The following FGGY variants were observed in gnomAD, a reference collection of about 807,000 sequenced individuals.
FGGY encodes FGGY carbohydrate kinase domain-containing protein.
A neutral mutation model predicts 71.3 loss-of-function variants in FGGY; 72 were observed. That is an observed-to-expected ratio of 1.01 (90% CI 0.84 to 1.23). The LOEUF is 1.23. FGGY is among the 50% of genes most tolerant of loss of function. The probability of loss-of-function intolerance (pLI) is 0.00; values close to 1 mark genes in which losing one functional copy is unlikely to be tolerated. For missense variants in FGGY, 668 were observed against 682.3 expected (o/e 0.98, Z 0.23); for synonymous variants, 251 against 250.3 (o/e 1.00, Z -0.02).
chr1:59,609,124 G>A (rs1359662248), intron 9 of FGGY, among the ~76,000 whole-genome samples: 2 of 152,182 alleles, frequency 1.3e-5, no homozygotes, highest in African/African-American at 4.8e-5. Context: ...TACTTGGTAG[G>A]AAACTTGTAT....
intron 5 of FGGY, among the ~76,000 whole-genome samples, chr1:59,392,661 T>C (rs1359980693): frequency 1.3e-5 from 2 of 152,196 alleles, no homozygotes; most frequent in East Asian, 3.8e-4. Context: ...GTTAAAATGC[T>C]GTACCCTTTC....
intron 14 of FGGY, among the ~76,000 whole-genome samples, chr1:59,732,201 T>C (rs1159494487): frequency 1.3e-5 from 2 of 152,176 alleles, no homozygotes; most frequent in African/African-American, 4.8e-5. Flanking sequence ...GCTGTCCCAT[T>C]TGACCAGAGA....
intron 8 of FGGY, among the ~76,000 whole-genome samples, chr1:59,590,740 G>A (rs1364841966): frequency 3.3e-5 from 5 of 152,034 alleles, no homozygotes; most frequent in Admixed American, 6.6e-5. Context: ...ATTCAACAAC[G>A]CCTTATGCTA....
intron 14 of FGGY, among the ~76,000 whole-genome samples, chr1:59,695,646 T>TAGTA (rs2097651043): frequency 1.3e-5 from 2 of 152,180 alleles, no homozygotes; most frequent in Admixed American, 1.3e-4. Context: ...ATAAGTGGTT[T>TAGTA]CCCAACCCTG....
In FGGY at chr1:59,584,658, A is replaced by C. The variant is rs563109536; in HGVS notation, c.904-23145A>C. Reference sequence around the variant, plus strand: ...CACTGCTATTCAACGTAGTGTTGGAAGTTCTGGCCAGGGCAATCAGGCAGG... The same window carrying C: ...CACTGCTATTCAACGTAGTGTTGGACGTTCTGGCCAGGGCAATCAGGCAGG... On this transcript the variant is annotated intron_variant, in intron 8 of 15. Coordinates refer to ENST00000303721, the MANE Select transcript of FGGY (RefSeq NM_018291.5). Among the ~76,000 whole-genome samples, 23 of 150,086 alleles carry C rather than the reference A, an allele frequency of 1.5e-4. 3 individuals carry two copies. The highest frequency in any genetic ancestry group is 5.8e-4 in the African/African-American group (23 of 39,780).
At chr1:59,529,468 A>T (rs1242428728) in intron 7 of FGGY, among the ~76,000 whole-genome samples, 1 of 152,216 alleles carries the variant, frequency 6.6e-6, no homozygotes, top group Admixed American at 6.5e-5. Context: ...GAATAGGTGT[A>T]TTCTCCACTG....
chr1:59,761,440 TGAG>T (rs996341009), intron 15 of FGGY, among the ~76,000 whole-genome samples: 2 of 152,228 alleles, frequency 1.3e-5, no homozygotes, highest in African/African-American at 4.8e-5. Context: ...AATTTCATCA[TGAG>T]GACTCCTTTT....
At chr1:59,470,268 A>T (rs1051346594) in intron 6 of FGGY, among the ~76,000 whole-genome samples, 1 of 152,178 alleles carries the variant, frequency 6.6e-6, no homozygotes, top group African/African-American at 2.4e-5. Context: ...CCTCACCAGC[A>T]TCTGTTATTT....
At chr1:59,574,081 C>T (rs1340912895) in intron 8 of FGGY, among the ~76,000 whole-genome samples, 1 of 152,202 alleles carries the variant, frequency 6.6e-6, no homozygotes, top group Non-Finnish European at 1.5e-5. Flanking sequence ...AGCAAGTTGC[C>T]ATACACTTGG....
At chr1:59,321,820 G>A in intron 2 of FGGY, 70 bp downstream of exon 2, 1 of 1,482,018 alleles carries the variant, frequency 6.7e-7, no homozygotes, top group Non-Finnish European at 9.2e-7. Context: ...TCAATCTGGT[G>A]CCGTAAACAA....
At chr1:59,617,231 G>A (rs2096764760) in intron 9 of FGGY, among the ~76,000 whole-genome samples, 1 of 150,602 alleles carries the variant, frequency 6.6e-6, no homozygotes, top group Non-Finnish European at 1.5e-5. Flanking sequence ...TGAGAAAACA[G>A]AGAAAAAGGA....
intron 1 of FGGY, among the ~76,000 whole-genome samples, chr1:59,308,093 G>A (rs1279906712): frequency 6.6e-6 from 1 of 152,154 alleles, no homozygotes; most frequent in Non-Finnish European, 1.5e-5. Context: ...AGAAACATGG[G>A]TGACTGAAGA....
At chr1:59,343,334 G>A (rs1206576599) in intron 3 of FGGY, among the ~76,000 whole-genome samples, 1 of 152,132 alleles carries the variant, frequency 6.6e-6, no homozygotes, top group Admixed American at 6.6e-5. Flanking sequence ...CAACATTTTT[G>A]TGGGTCTGTG....
intron 2 of FGGY, among the ~76,000 whole-genome samples, chr1:59,337,692 TTA>T (rs1322258906): frequency 6.6e-6 from 1 of 152,244 alleles, no homozygotes; most frequent in African/African-American, 2.4e-5. Context: ...CAGTTGATAT[TTA>T]TATGTTAGTC....
chr1:59,665,893 C>T (rs978312901), intron 12 of FGGY, among the ~76,000 whole-genome samples: 12 of 151,970 alleles, frequency 7.9e-5, no homozygotes, highest in South Asian at 2.1e-4. Context: ...CAGGATGGTC[C>T]CGATCTCCTG....
At chr1:59,599,038 A>G (rs997532049) in intron 8 of FGGY, among the ~76,000 whole-genome samples, 1 of 152,214 alleles carries the variant, frequency 6.6e-6, no homozygotes, top group African/African-American at 2.4e-5. Context: ...GGTAGAAGTC[A>G]GGGTTTATGG....
intron 5 of FGGY, among the ~76,000 whole-genome samples, chr1:59,450,573 C>T (rs2072468121): frequency 6.6e-6 from 1 of 152,008 alleles, no homozygotes; most frequent in African/African-American, 2.4e-5. Flanking sequence ...CTTTAATTCC[C>T]CAGTAGTAAT....
chr1:59,447,314 C>G (rs1023848017), intron 5 of FGGY, among the ~76,000 whole-genome samples: 1 of 152,154 alleles, frequency 6.6e-6, no homozygotes, highest in African/African-American at 2.4e-5. Flanking sequence ...AGCCTTATAT[C>G]TTTTCTTTTT....
chr1:59,385,046 A>G (rs1268795940), intron 5 of FGGY, among the ~76,000 whole-genome samples: 1 of 152,202 alleles, frequency 6.6e-6, no homozygotes, highest in Non-Finnish European at 1.5e-5. Flanking sequence ...AATACGTTTT[A>G]GTAGAGTCAA....
Sources: allele counts gnomAD v4.1 joint callset (sites outside exome capture counted in the v4.1 genomes callset), GRCh38; gene constraint gnomAD v4.1.1; transcripts MANE v1.5; gene names NCBI Gene and HGNC (gene_info 2026-07-23, HGNC 2026-07-21).